The following KRI1 variants were observed in gnomAD, a reference collection of about 807,000 sequenced individuals.
The protein encoded by KRI1 is KRI1 homolog.
Under a neutral mutation model 97.0 loss-of-function variants are expected in KRI1, and 83 were observed. The ratio of observed to expected loss-of-function variants is 0.86; its 90% CI spans 0.72 to 1.03. KRI1 has a LOEUF of 1.03. Ranked by LOEUF, KRI1 falls within the 50% of genes least tolerant of loss-of-function variation. The pLI is 0.00. For missense variants in KRI1, 916 were observed against 928.4 expected (o/e 0.99, Z 0.17); for synonymous variants, 371 against 363.5 (o/e 1.02, Z -0.23).
intron 15 of KRI1, 34 bp downstream of exon 15, chr19:10,557,735 C>T (rs1490874149): frequency 6.2e-6 from 10 of 1,613,936 alleles, no homozygotes; most frequent in Non-Finnish European, 6.8e-6. Flanking sequence ...GCGGTGCCCC[C>T]TGCCTACCCA....
intron 4 of KRI1, 63 bp downstream of exon 4, chr19:10,562,666 A>C: frequency 2.1e-6 from 2 of 975,040 alleles, no homozygotes; most frequent in Non-Finnish European, 1.7e-6. Context: ...TCCTGCCCCT[A>C]AGACCCCCAT....
chr19:10,564,993 G>C lies in KRI1; in HGVS notation c.210C>G (p.Leu70=). ...GGGGGTCCTTCTTCTTCAACAAGGA[G>C]AGCGTTTTGTAAAAGTCCCGCTCCT... ...PQQERDFYKT[L]SLLKKKDPRI... is the part of the protein sequence containing the mutation. Residue 70 remains leucine, a synonymous_variant, in exon 3 of 19, where the codon CTC becomes CTG. Transcript: ENST00000312962. 1 of 1,613,974 alleles carries C rather than the reference G, an allele frequency of 6.2e-7. No individual in the cohort carries two copies. The highest frequency in any genetic ancestry group is 8.5e-7 in the Non-Finnish European group (1 of 1,179,920).
At chr19:10,558,496 A>G (rs2018810) in intron 12 of KRI1, among the ~76,000 whole-genome samples, 36,585 of 149,570 alleles carry the variant, frequency 0.24, 5,481 homozygotes, top group East Asian at 0.7. Flanking sequence ...CGTCCTACCC[A>G]CCTTCGCCCC....
Position 10,559,939 on chromosome 19 carries a change from GA to G in KRI1, c.801-4del. On this transcript the variant is annotated splice_region_variant and splice_polypyrimidine_tract_variant and intron_variant, in intron 9 of 18. Transcript: ENST00000312962. ...GCTGGACTGGGGGACCGTGGACCCT[GA>G]GGGGCAAGATGTGGTGATGCCAGGG... 1 of 1,610,134 alleles carries G rather than the reference GA, an allele frequency of 6.2e-7. No homozygotes were observed. Among genetic ancestry groups the G allele is most frequent in the African/African-American group, 1.3e-5 (1 of 75,016 alleles).
At position 10,560,249 on chromosome 19, in the gene KRI1, C is replaced by T. The variant is rs571955339; in HGVS notation, c.800+63G>A. ...GTGCCCTCTGCCTCCTGGCCAGTGC[C>T]GCCTGGGAATACTTCATGAAGCGCA... On this transcript the variant is annotated intron_variant, in intron 9 of 18. Transcript: ENST00000312962. The T allele has an allele frequency of 2.1e-5, 31 of 1,511,702 alleles. No homozygotes were observed. The East Asian group carries it at 4.9e-4, about 24-fold the overall frequency. 93.6% of individuals were successfully genotyped at this position (1,511,702 alleles called of 1,614,324 possible).
Position 10,564,948 on chromosome 19 carries a change from G to A in KRI1, c.255C>T (p.Ala85=). The change falls in exon 3 of 19, where the codon GCC becomes GCT. Residue 85 remains alanine (A), a synonymous_variant. Coordinates refer to ENST00000312962, the MANE Select transcript of KRI1 (RefSeq NM_023008.5). Reference sequence around the variant, plus strand: ...CCGGACCTGTTCTGTTATAGAAGGTGGCATCTTTCTGATAAATGCGGGGGT... The same window carrying A: ...CCGGACCTGTTCTGTTATAGAAGGTAGCATCTTTCTGATAAATGCGGGGGT... ...KKDPRIYQKD[A]TFYNRTASSS... 6.2e-7 allele frequency: 1 copy of A among 1,611,226 alleles called. No individual in the cohort carries two copies. The highest frequency in any genetic ancestry group is 8.5e-7 in the Non-Finnish European group (1 of 1,177,464).
At chr19:10,564,667 A>T (rs1916805729) in intron 3 of KRI1, among the ~76,000 whole-genome samples, 1 of 152,190 alleles carries the variant, frequency 6.6e-6, no homozygotes, top group Non-Finnish European at 1.5e-5. Context: ...CTCCACCACC[A>T]GGTAATAACC....
chr19:10,561,728 G>T lies in KRI1; in HGVS notation c.439-12C>A, dbSNP rs371458179. On this transcript the variant is annotated splice_polypyrimidine_tract_variant and intron_variant, in intron 5 of 18. Transcript: ENST00000312962. ...TGCGACGATGTCTCCTGCAGAGAGG[G>T]CCATAGGTCTCAGGCCAGCCCCAGG... is the stretch of plus-strand genomic sequence containing the variant. The T allele has an allele frequency of 1.9e-6, 3 of 1,613,912 alleles. No individual in the cohort carries two copies. The African/African-American group carries it at 4.0e-5, about 22-fold the overall frequency.
rs569801629 is a variant in KRI1, at chr19:10,560,991, G to T, written c.663+12C>A. The T allele has an allele frequency of 1.9e-6, 3 of 1,606,986 alleles. No homozygotes were observed. Among genetic ancestry groups the T allele is most frequent in the Admixed American group, 1.7e-5 (1 of 59,990 alleles). On this transcript the variant is annotated intron_variant, in intron 8 of 18. Coordinates refer to ENST00000312962, the MANE Select transcript of KRI1 (RefSeq NM_023008.5). ...CGGTCTACTCCATCAGCGACCATGC[G>T]TGAGAACTCACCAGTTCCTTCAGGG...
intron 16 of KRI1, among the ~76,000 whole-genome samples, chr19:10,557,249 C>T (rs564908007): frequency 1.2e-4 from 18 of 151,636 alleles, no homozygotes; most frequent in African/African-American, 3.9e-4. Flanking sequence ...GGACTACAGG[C>T]GCCTGCCACC....
Position 10,553,189 on chromosome 19 carries a change from G to A in KRI1, c.*762C>T. On this transcript the variant is annotated 3_prime_UTR_variant, in exon 19 of 19. Coordinates refer to ENST00000312962, the MANE Select transcript of KRI1 (RefSeq NM_023008.5). ...TCCTGTTGTCAGCCCCTCAAGCCCA[G>A]CTGCAACCAGTCTGGGGCCATTCAG... The A allele has an allele frequency of 1.6e-6, 2 of 1,248,094 alleles. No individual in the cohort carries two copies. Among genetic ancestry groups the A allele is most frequent in the South Asian group, 3.0e-5 (2 of 66,184 alleles). The allele number at this position is 1,248,094 out of a possible 1,614,324, so 77.3% of individuals were successfully genotyped here. A position where few individuals can be genotyped will look rare whatever the true frequency, so the allele number is the denominator to read the frequency against.
At chr19:10,560,511 C>T (rs1452788882) in intron 8 of KRI1, 63 bp from the exon 9 acceptor site, 5 of 1,257,232 alleles carry the variant, frequency 4.0e-6, no homozygotes, top group African/African-American at 1.5e-5. Flanking sequence ...CAGGCATGCT[C>T]ACCACATGGA....
At position 10,565,923 on chromosome 19, in the gene KRI1, C is replaced by T. The variant is rs1412004401; in HGVS notation, c.77G>A (p.Arg26His). The T allele has an allele frequency of 4.6e-6, 7 of 1,533,974 alleles. No individual in the cohort carries two copies. The highest frequency in any genetic ancestry group is 1.2e-5 in the South Asian group (1 of 83,104). ...GCACTCACGCCGCTGCAGTTCCTCGCGCTCCCGGTAGCGGTTGTACCGCGC... is the reference window on the plus strand; with the variant it reads ...GCACTCACGCCGCTGCAGTTCCTCGTGCTCCCGGTAGCGGTTGTACCGCGC... The part of the protein sequence containing the change: ...FAARYNRYRE[R>H]EELQRLKDRY... The change falls in exon 1 of 19, where the codon CGC (arginine) becomes CAC (histidine). Residue 26 changes from arginine (R) to histidine (H), a missense_variant. This residue lies in a region of KRI1 where 173 missense variants were observed against 153.1 expected (regional missense o/e 1.13). Coordinates refer to ENST00000312962, the MANE Select transcript of KRI1 (RefSeq NM_023008.5).
chr19:10,554,913 T>C (rs1916449356), intron 18 of KRI1, among the ~76,000 whole-genome samples, 174 bp downstream of exon 18: 1 of 152,018 alleles, frequency 6.6e-6, no homozygotes, highest in East Asian at 1.9e-4. Flanking sequence ...CAGAGAGGGG[T>C]AGCGACTTGC....
chr19:10,558,294 C>T (rs531928561), intron 12 of KRI1, 55 bp from the exon 13 acceptor site: 14 of 1,559,082 alleles, frequency 9.0e-6, no homozygotes, highest in Admixed American at 1.7e-5. Flanking sequence ...AGGAGCTGAG[C>T]CCCCTACGAT....
rs769969921 is a variant in KRI1, at chr19:10,553,095, C to G, written c.*856G>C. The G allele has an allele frequency of 5.8e-6, 9 of 1,563,800 alleles. No individual in the cohort carries two copies. In the South Asian group the frequency reaches 1.0e-4, roughly 18 times the overall value. On this transcript the variant is annotated 3_prime_UTR_variant, in exon 19 of 19. Transcript: ENST00000312962. ...GGAGGGGATGAGGGGAAAGATACAA[C>G]ACTATTTATTTTTTTATTTATGTCA... is the stretch of plus-strand genomic sequence containing the variant.
In KRI1 at chr19:10,555,309, G is replaced by A; in HGVS notation, c.1658C>T (p.Ser553Phe). Residue 553 changes from serine (S) to phenylalanine (F), a missense_variant, in exon 17 of 19, where the codon TCC becomes TTC. Ser to Phe is a radical substitution (Grantham distance 155, BLOSUM62 -2). Around this residue, in one of 3 missense-constraint regions of KRI1, gnomAD observed 672 missense variants for 667.2 expected, o/e 1.01. Coordinates refer to ENST00000312962, the MANE Select transcript of KRI1 (RefSeq NM_023008.5). ...CCTGTACATGCAGGTCTTCTTTAGG[G>A]AGCACCACCGGTTCAGCTCCTTATC... ...ADDKELNRWC[S>F]LKKTCMYRSE... The A allele has an allele frequency of 6.2e-7, 1 of 1,612,486 alleles. No homozygotes were observed. The highest frequency in any genetic ancestry group is 8.5e-7 in the Non-Finnish European group (1 of 1,179,556).
intron 9 of KRI1, 53 bp downstream of exon 9, chr19:10,560,259 T>C: frequency 3.3e-6 from 5 of 1,530,676 alleles, no homozygotes; most frequent in Non-Finnish European, 4.4e-6. Context: ...CGCCTGGGAA[T>C]ACTTCATGAA....
chr19:10,554,544 T>C (rs1916433517), intron 18 of KRI1, among the ~76,000 whole-genome samples: 2 of 152,062 alleles, frequency 1.3e-5, no homozygotes, highest in South Asian at 4.2e-4. Context: ...ATTAACTCAT[T>C]TTAGCCTTTT....
Sources: gnomAD v4.1 joint callset for allele counts (sites outside exome capture counted in the v4.1 genomes callset) on GRCh38, gnomAD v4.1.1 for gene constraint, gnomAD v4.1.1 regional missense constraint, MANE v1.5 for transcripts, NCBI Gene and HGNC (gene_info 2026-07-23, HGNC 2026-07-21) for gene names.